The following PI4K2A variants were observed in gnomAD, a reference collection of about 807,000 sequenced individuals.
PI4K2A encodes the protein phosphatidylinositol 4-kinase type 2-alpha.
PI4K2A carries 20 observed loss-of-function variants against 55.0 expected under a neutral mutation model. That is an observed-to-expected ratio of 0.36 (90% CI 0.26 to 0.53). The LOEUF (loss-of-function observed/expected upper bound fraction) is 0.53, where lower values mean the gene tolerates loss of function less well. Ranked by LOEUF, PI4K2A falls within the 20% of genes least tolerant of loss-of-function variation. PI4K2A has a pLI of 0.91. For missense variants in PI4K2A, 463 were observed against 637.1 expected, an observed-to-expected ratio of 0.73 and a Z score of 2.94; for synonymous variants, 235 against 258.5, an observed-to-expected ratio of 0.91 and a Z score of 0.87.
At chr10:97,673,610 C>T in exon 9 of PI4K2A, 1 of 1,614,118 alleles carries the variant, frequency 6.2e-7, no homozygotes, top group Non-Finnish European at 8.5e-7. Flanking sequence ...CCTTGAAAGA[C>T]AACAAGAGTC....
At chr10:97,660,248 G>A (rs1373519070) in intron 4 of PI4K2A, among the ~76,000 whole-genome samples, 5 of 148,058 alleles carry the variant, frequency 3.4e-5, no homozygotes, top group South Asian at 2.1e-4. Flanking sequence ...TGATCTGCCC[G>A]CCTTGGCCTC....
rs201219082 is a variant in PI4K2A, at chr10:97,642,843, C to CTTT, written c.435+1668_435+1669insTTT. 1.4e-4 allele frequency among the ~76,000 whole-genome samples: 2 copies of CTTT among 13,866 alleles called. 1 individual carries two copies. 9.1% of individuals were successfully genotyped at this position (13,866 alleles called of 152,430 possible). A position where few individuals can be genotyped will look rare whatever the true frequency, so the allele number is the denominator to read the frequency against. ...CCTTCCTTCCTTCCTTCCTTCCTTC[C>CTTT]TTCCTTCCTTTCTTTCTTTCTTTTT... On this transcript the variant is annotated intron_variant, in intron 1 of 8. Coordinates refer to ENST00000370631, the Ensembl canonical transcript of PI4K2A.
At position 97,654,767 on chromosome 10, in the gene PI4K2A, C is replaced by A. The variant is rs146259311; in HGVS notation, c.637-1518C>A. Among the ~76,000 whole-genome samples the A allele has an allele frequency of 4.3e-3, 658 of 151,878 alleles. 27 individuals carry two copies. Among genetic ancestry groups the A allele is most frequent in the Admixed American group, 0.041 (620 of 15,236 alleles). Reference sequence around the variant, plus strand: ...TTACAAGACAATGTGATAAGTGTGACAATAGATGCATATGTGGATTACAAT... The same window carrying A: ...TTACAAGACAATGTGATAAGTGTGAAAATAGATGCATATGTGGATTACAAT... On this transcript the variant is annotated intron_variant, in intron 2 of 8. Coordinates refer to ENST00000370631, the Ensembl canonical transcript of PI4K2A.
At chr10:97,649,323 G>A (rs1042248917) in intron 1 of PI4K2A, among the ~76,000 whole-genome samples, 1 of 152,172 alleles carries the variant, frequency 6.6e-6, no homozygotes, top group Non-Finnish European at 1.5e-5. Flanking sequence ...GGGCTGACTG[G>A]CCTGTTGAAG....
At chr10:97,658,664 C>G (rs138245392) in intron 4 of PI4K2A, among the ~76,000 whole-genome samples, 3 of 152,174 alleles carry the variant, frequency 2.0e-5, no homozygotes, top group African/African-American at 7.2e-5. Flanking sequence ...CAACAGCACA[C>G]GAGGGTTCCT....
At chr10:97,641,103 A>T (rs749914367) in exon 1 of PI4K2A, 8 of 1,609,098 alleles carry the variant, frequency 5.0e-6, no homozygotes, top group Non-Finnish European at 5.9e-6. Flanking sequence ...CGAGCTGGCC[A>T]TCGAGCGCTG....
chr10:97,660,683 A>C lies in PI4K2A; in HGVS notation c.923-2224A>C, dbSNP rs183270458. 1.7e-3 allele frequency among the ~76,000 whole-genome samples: 256 copies of C among 151,814 alleles called. 1 individual carries two copies. Among genetic ancestry groups the C allele is most frequent in the African/African-American group, 5.9e-3 (246 of 41,446 alleles). On this transcript the variant is annotated intron_variant, in intron 4 of 8. Transcript: ENST00000370631. The stretch of plus-strand genomic sequence containing the variant: ...TACAAGTGTTTTTTTTTTTTACCAT[A>C]ATCATTATAAAATATACTGAAATTT...
chr10:97,645,107 G>A (rs2041498722), intron 1 of PI4K2A, among the ~76,000 whole-genome samples: 1 of 152,000 alleles, frequency 6.6e-6, no homozygotes, highest in South Asian at 2.1e-4. Flanking sequence ...TTTCTCTTTT[G>A]CGTGGAGTAA....
intron 1 of PI4K2A, among the ~76,000 whole-genome samples, chr10:97,645,627 A>G (rs1463273339): frequency 1.3e-5 from 2 of 151,046 alleles, no homozygotes; most frequent in African/African-American, 4.9e-5. Context: ...AAAAAAAAAA[A>G]GTTGGTAGAT....
chr10:97,666,568 C>T, exon 7 of PI4K2A: 1 of 1,610,502 alleles, frequency 6.2e-7, no homozygotes, highest in Non-Finnish European at 8.5e-7. Context: ...ATGAACTCTT[C>T]AAGGTTAGCC....
intron 1 of PI4K2A, among the ~76,000 whole-genome samples, chr10:97,642,884 T>TCTTCCTTCCTTCCTTC (rs1246613020): frequency 1.0e-5 from 1 of 96,880 alleles, no homozygotes; most frequent in Non-Finnish European, 2.1e-5. Flanking sequence ...TTTCTTTCTT[T>TCTTCCTTCCTTCCTTC]CTTCCTTCCT....
At chr10:97,648,425 A>G (rs967076007) in intron 1 of PI4K2A, among the ~76,000 whole-genome samples, 3 of 152,230 alleles carry the variant, frequency 2.0e-5, no homozygotes, top group African/African-American at 7.2e-5. Flanking sequence ...GGTATTGCCC[A>G]AACTGGTCTC....
At chr10:97,648,616 C>T (rs1414641535) in intron 1 of PI4K2A, among the ~76,000 whole-genome samples, 3 of 152,178 alleles carry the variant, frequency 2.0e-5, no homozygotes, top group Non-Finnish European at 2.9e-5. Flanking sequence ...CATTGAGGAC[C>T]AGCTTACTGA....
intron 4 of PI4K2A, 113 bp downstream of exon 4, chr10:97,657,087 G>A (rs2041558585): frequency 1.1e-5 from 11 of 1,008,822 alleles, no homozygotes; most frequent in Admixed American, 7.1e-5. Context: ...CACATCATGT[G>A]TAGTTTTCAG....
intron 8 of PI4K2A, among the ~76,000 whole-genome samples, chr10:97,671,297 ATGG>A (rs1485382429): frequency 1.3e-5 from 2 of 151,948 alleles, no homozygotes; most frequent in Non-Finnish European, 2.9e-5. Flanking sequence ...CTGACAAAAG[ATGG>A]TGAGGACTGG....
intron 1 of PI4K2A, among the ~76,000 whole-genome samples, chr10:97,645,598 ACT>A (rs1164685524): frequency 7.2e-6 from 1 of 138,482 alleles, no homozygotes; most frequent in Non-Finnish European, 1.5e-5. Context: ...AGACAGCAAG[ACT>A]CTATCTCAAA....
exon 1 of PI4K2A, chr10:97,640,731 G>C: frequency 1.4e-6 from 2 of 1,480,326 alleles, no homozygotes; most frequent in African/African-American, 1.5e-5. Flanking sequence ...CCCGGAGCCG[G>C]CTGTCTGAGG....
chr10:97,662,298 T>C (rs561538499), intron 4 of PI4K2A, among the ~76,000 whole-genome samples: 1 of 152,352 alleles, frequency 6.6e-6, no homozygotes, highest in African/African-American at 2.4e-5. Flanking sequence ...ATCTTGTTTC[T>C]TTGTGTACCT....
rs747998273 is a variant in PI4K2A, at chr10:97,673,661, G to A, written c.1359G>A (p.Thr453=). ...AGATGCCACCTGTGATTGTCGAGAC[G>A]GCCCGTTCCCACCAGCGGTCTTCTA... The change falls in exon 9 of 9, where the codon ACG becomes ACA. Residue 453 remains threonine, a synonymous_variant. Coordinates refer to ENST00000370631, the Ensembl canonical transcript of PI4K2A. 9.3e-6 allele frequency: 15 copies of A among 1,613,928 alleles called. No homozygotes were observed. The Admixed American group carries it at 1.3e-4, about 14-fold the overall frequency.
Sources: gnomAD v4.1 joint callset for allele counts (sites outside exome capture counted in the v4.1 genomes callset) on GRCh38, gnomAD v4.1.1 for gene constraint, MANE v1.5 for transcripts, NCBI Gene and HGNC (gene_info 2026-07-23, HGNC 2026-07-21) for gene names.